NR3C1: variants seen among roughly 807,000 people sequenced by gnomAD.
NR3C1 encodes nuclear receptor subfamily 3 group C member 1.
Under a neutral mutation model 74.0 loss-of-function variants are expected in NR3C1, and 14 were observed. That is an observed-to-expected ratio of 0.19 (90% CI 0.12 to 0.30). The LOEUF (loss-of-function observed/expected upper bound fraction) is 0.30, where lower values mean the gene tolerates loss of function less well. Ranked by LOEUF, NR3C1 falls within the 10% of genes least tolerant of loss-of-function variation. The pLI, the probability that NR3C1 is intolerant of heterozygous loss-of-function variation, is 1.00. For missense variants in NR3C1, 695 were observed against 909.8 expected, an observed-to-expected ratio of 0.76 and a Z score of 3.04; for synonymous variants, 308 against 332.5, an observed-to-expected ratio of 0.93 and a Z score of 0.80.
chr5:143,400,353 C>T lies in NR3C1; in HGVS notation c.487G>A (p.Val163Ile), dbSNP rs186831584. ...TTCAAATGTTGCTGTTCTGAAGATA[C>T]ATCAGAGTGAGTTTTTGGAAACTCC... ...EKEFPKTHSD[V>I]SSEQQHLKGQ... Residue 163 changes from valine (V) to isoleucine (I), a missense_variant, in exon 2 of 9, where the codon GTA (valine) becomes ATA (isoleucine). Transcript: ENST00000394464. 1.9e-6 allele frequency: 3 copies of T among 1,614,152 alleles called. No individual in the cohort carries two copies. The highest frequency in any genetic ancestry group is 2.7e-5 in the African/African-American group (2 of 75,036).
At chr5:143,361,005 C>T (rs533955911) in intron 2 of NR3C1, among the ~76,000 whole-genome samples, 1 of 152,116 alleles carries the variant, frequency 6.6e-6, no homozygotes, top group African/African-American at 2.4e-5. Context: ...TATAGAAGAA[C>T]AGGAATGAGA....
At chr5:143,426,913 C>T (rs1226606619) in intron 1 of NR3C1, among the ~76,000 whole-genome samples, 1 of 152,178 alleles carries the variant, frequency 6.6e-6, no homozygotes, top group African/African-American at 2.4e-5. Flanking sequence ...CTTAAATGTG[C>T]TTTTACGAAG....
chr5:143,346,151 G>A (rs1829248874), intron 2 of NR3C1, among the ~76,000 whole-genome samples: 1 of 152,200 alleles, frequency 6.6e-6, no homozygotes, highest in African/African-American at 2.4e-5. Flanking sequence ...GTAAGTTACT[G>A]ACAAGTTAGA....
intron 1 of NR3C1, among the ~76,000 whole-genome samples, chr5:143,417,883 A>T (rs773087155): frequency 4.6e-5 from 7 of 152,196 alleles, no homozygotes; most frequent in Non-Finnish European, 8.8e-5. Flanking sequence ...AAACCACACA[A>T]GTTTACATAT....
chr5:143,357,021 T>C (rs1447188195), intron 2 of NR3C1, among the ~76,000 whole-genome samples: 2 of 152,202 alleles, frequency 1.3e-5, no homozygotes, highest in African/African-American at 4.8e-5. Flanking sequence ...ACCTTGGAAA[T>C]TGTATAGTTT....
rs117764161 is a variant in NR3C1, at chr5:143,288,662, A to G, written c.2024-5937T>C. ...AATTTTTTCTATTTTGTGTAGTGAC[A>G]GGGTTTCGACATTTTGCCCAGGCTG... On this transcript the variant is annotated intron_variant, in intron 7 of 8. Coordinates refer to ENST00000394464, the MANE Select transcript of NR3C1 (RefSeq NM_000176.3). 1.0e-3 allele frequency among the ~76,000 whole-genome samples: 154 copies of G among 152,060 alleles called. 3 individuals are homozygous for G. The East Asian group carries it at 0.022, about 22-fold the overall frequency.
At chr5:143,402,821 G>A (rs1386424616) in intron 1 of NR3C1, 2 of 985,354 alleles carry the variant, frequency 2.0e-6, no homozygotes, top group African/African-American at 3.5e-5. Flanking sequence ...ATTCAGACGC[G>A]GCTTAGCGTT....
At chr5:143,399,437 G>A (rs1839834110) in intron 2 of NR3C1, among the ~76,000 whole-genome samples, 1 of 151,960 alleles carries the variant, frequency 6.6e-6, no homozygotes, top group African/African-American at 2.4e-5. Context: ...TTGGCCAATG[G>A]GATACTGAAA....
Position 143,333,005 on chromosome 5 carries a change from C to G in NR3C1, c.1185-18837G>C, listed in dbSNP as rs1232216736. The G allele has an allele frequency of 3.2e-6, 5 of 1,585,912 alleles. No individual in the cohort carries two copies. The Admixed American group carries it at 8.3e-5, about 26-fold the overall frequency. On this transcript the variant is annotated intron_variant, in intron 2 of 8. Coordinates refer to ENST00000394464, the MANE Select transcript of NR3C1 (RefSeq NM_000176.3). ...AGAATAAGACCATCCCTCTGACAGACAACACAGTGATTGAGGAGCACCTGG... is the reference window on the plus strand; with the variant it reads ...AGAATAAGACCATCCCTCTGACAGAGAACACAGTGATTGAGGAGCACCTGG...
At chr5:143,312,919 G>A (rs1411231896) in intron 3 of NR3C1, among the ~76,000 whole-genome samples, 1 of 152,174 alleles carries the variant, frequency 6.6e-6, no homozygotes, top group East Asian at 1.9e-4. Flanking sequence ...TAATCAATAG[G>A]TGGGACTACT....
At chr5:143,389,139 C>T (rs1053985643) in intron 2 of NR3C1, among the ~76,000 whole-genome samples, 3 of 152,184 alleles carry the variant, frequency 2.0e-5, no homozygotes, top group Admixed American at 1.3e-4. Flanking sequence ...CTTTCAAGCT[C>T]ACATTTCAAA....
chr5:143,294,234 CCA>C (rs1383905461), intron 7 of NR3C1: 2 of 984,754 alleles, frequency 2.0e-6, no homozygotes, highest in East Asian at 1.1e-4. Flanking sequence ...AACTATGAAA[CCA>C]CAGTTACTAA....
In NR3C1 at chr5:143,337,859, C is replaced by T. The variant is rs1019466980; in HGVS notation, c.1185-23691G>A. Among the ~76,000 whole-genome samples, 17 of 152,048 alleles carry T rather than the reference C, an allele frequency of 1.1e-4. 2 individuals are homozygous for T. Among genetic ancestry groups the T allele is most frequent in the Admixed American group, 7.9e-4 (12 of 15,272 alleles). On this transcript the variant is annotated intron_variant, in intron 2 of 8. Coordinates refer to ENST00000394464, the MANE Select transcript of NR3C1 (RefSeq NM_000176.3). ...GGTAGTAAGAAAAACAAGAAAACAA[C>T]GATCACATTTGTCAGGGCAGTGGTT...
chr5:143,316,541 C>T (rs150842548), intron 2 of NR3C1, among the ~76,000 whole-genome samples: 120 of 152,206 alleles, frequency 7.9e-4, no homozygotes, highest in South Asian at 1.9e-3. Context: ...TGCGGTCATA[C>T]GGGCCGTGGC....
At chr5:143,405,033 G>A, upstream of NR3C1, 1 of 781,720 alleles carries the variant, frequency 1.3e-6, no homozygotes, top group South Asian at 5.8e-5. Flanking sequence ...GGTCCGTCCT[G>A]AGAAAGGAGA....
intron 2 of NR3C1, among the ~76,000 whole-genome samples, chr5:143,338,909 G>C (rs1379898335): frequency 6.6e-6 from 1 of 152,042 alleles, no homozygotes; most frequent in East Asian, 1.9e-4. Context: ...CACCTATACA[G>C]GTGTACTATT....
chr5:143,411,948 G>T lies in NR3C1; in HGVS notation c.-13-11096C>A, dbSNP rs1014191113. The stretch of plus-strand genomic sequence containing the variant: ...TTGTATTGGTTGCAATGGCAGGGGA[G>T]CTGGGGAGCTATGGTTGGACAGGAG... On this transcript the variant is annotated intron_variant, in intron 1 of 8. Coordinates refer to the NR3C1 transcript ENST00000343796. 8.5e-5 allele frequency among the ~76,000 whole-genome samples: 13 copies of T among 152,196 alleles called. No homozygotes were observed. The East Asian group carries it at 1.9e-3, about 23-fold the overall frequency.
intron 2 of NR3C1, among the ~76,000 whole-genome samples, chr5:143,362,341 A>C (rs574948031): frequency 2.7e-5 from 4 of 150,010 alleles, no homozygotes; most frequent in Admixed American, 2.0e-4. Flanking sequence ...AGCAGAATGG[A>C]CCTCTTTCAT....
chr5:143,432,397 A>T (rs543088563), intron 1 of NR3C1, among the ~76,000 whole-genome samples: 1 of 152,176 alleles, frequency 6.6e-6, no homozygotes, highest in African/African-American at 2.4e-5. Context: ...GGCAACGGGG[A>T]TGGGGACAGA....
Sources: gnomAD v4.1 joint callset for allele counts (sites outside exome capture counted in the v4.1 genomes callset) on GRCh38, gnomAD v4.1.1 for gene constraint, MANE v1.5 for transcripts, NCBI Gene and HGNC (gene_info 2026-07-23, HGNC 2026-07-21) for gene names.